The following AGAP1 variants were observed in gnomAD, a reference collection of about 807,000 sequenced individuals.
AGAP1 encodes ArfGAP with GTPase domain, ankyrin repeat and PH domain 1, also known as arf-GAP with GTPase, ANK repeat and PH domain-containing protein 1.
AGAP1 carries 29 observed loss-of-function variants against 105.3 expected under a neutral mutation model. The observed-to-expected ratio is 0.28, with a 90% confidence interval of 0.21 to 0.38. The LOEUF (loss-of-function observed/expected upper bound fraction) is 0.38, where lower values mean the gene tolerates loss of function less well. Ranked by LOEUF, AGAP1 falls within the 10% of genes least tolerant of loss-of-function variation. AGAP1 has a pLI of 1.00. For missense variants in AGAP1, 998 were observed against 1,165.1 expected (o/e 0.86, Z 2.09); for synonymous variants, 509 against 485.9 (o/e 1.05, Z -0.63).
chr2:235,579,018 T>C (rs541735278), intron 1 of AGAP1, among the ~76,000 whole-genome samples: 12 of 152,290 alleles, frequency 7.9e-5, no homozygotes, highest in African/African-American at 2.6e-4. Context: ...TATTACTGGC[T>C]AAAGTTAAAA....
intron 11 of AGAP1, among the ~76,000 whole-genome samples, chr2:235,915,876 C>A (rs2051853987): frequency 6.6e-6 from 1 of 151,954 alleles, no homozygotes; most frequent in African/African-American, 2.4e-5. Context: ...GGAGAGGAGG[C>A]TCTGCAAAAA....
At chr2:236,028,745 G>C (rs2057132644) in intron 13 of AGAP1, among the ~76,000 whole-genome samples, 1 of 152,134 alleles carries the variant, frequency 6.6e-6, no homozygotes, top group Non-Finnish European at 1.5e-5. Flanking sequence ...ATGGAAAAAA[G>C]CAGTTACAGT....
intron 12 of AGAP1, among the ~76,000 whole-genome samples, chr2:235,944,905 A>G (rs1009497480): frequency 6.6e-6 from 1 of 152,176 alleles, no homozygotes. Flanking sequence ...GGTTTGGGTT[A>G]TTACCTGGAC....
intron 1 of AGAP1, among the ~76,000 whole-genome samples, chr2:235,697,749 T>C (rs1950062215): frequency 6.6e-6 from 1 of 152,216 alleles, no homozygotes; most frequent in African/African-American, 2.4e-5. Flanking sequence ...TTAAACAGTA[T>C]GACTGACTGA....
chr2:236,107,345 G>C (rs1403400734), intron 16 of AGAP1, among the ~76,000 whole-genome samples: 2 of 152,190 alleles, frequency 1.3e-5, no homozygotes, highest in Non-Finnish European at 2.9e-5. Flanking sequence ...GGTCTGAGCT[G>C]ACTGGGTTCA....
intron 1 of AGAP1, chr2:235,524,629 C>G (rs1488567783): frequency 5.7e-6 from 1 of 175,374 alleles, no homozygotes; most frequent in African/African-American, 2.4e-5. Context: ...GGAAAACATG[C>G]TTACCGCTGG....
At chr2:235,987,544 ACT>A (rs2055372916) in intron 13 of AGAP1, among the ~76,000 whole-genome samples, 1 of 103,562 alleles carries the variant, frequency 9.7e-6, no homozygotes, top group Non-Finnish European at 1.8e-5. Context: ...TCCTGTCTCT[ACT>A]CTATCAATTC....
At chr2:235,806,558 G>A (rs1232430214) in intron 8 of AGAP1, among the ~76,000 whole-genome samples, 1 of 152,188 alleles carries the variant, frequency 6.6e-6, no homozygotes, top group African/African-American at 2.4e-5. Flanking sequence ...CACGTCAGCA[G>A]TGCATCGGAG....
In AGAP1 at chr2:236,000,873, G is replaced by A. The variant is rs1365312406; in HGVS notation, c.1645+32250G>A. ...GCACAGAGAGTGGCTGATGAGAAAGGGCCTGTGTGGAAGGAACCAGGGCCA... is the reference window on the plus strand; with the variant it reads ...GCACAGAGAGTGGCTGATGAGAAAGAGCCTGTGTGGAAGGAACCAGGGCCA... On this transcript the variant is annotated intron_variant, in intron 13 of 17. Coordinates refer to ENST00000304032, the MANE Select transcript of AGAP1 (RefSeq NM_001037131.3). This position sits in a 1 kb window ranked among gnomAD's most constrained non-coding sequence, Gnocchi z 4.3. 6.6e-6 allele frequency among the ~76,000 whole-genome samples: 1 copy of A among 152,150 alleles called. No homozygotes were observed. The highest frequency in any genetic ancestry group is 2.4e-5 in the African/African-American group (1 of 41,428).
In AGAP1 at chr2:235,536,142, T is replaced by TACACACACAC. The variant is rs58090095; in HGVS notation, c.163+41321_163+41330dup. The stretch of plus-strand genomic sequence containing the variant: ...ACCCCGGGGTTTGTGTGTGGCATCC[T>TACACACACAC]ACACACACACACACACACACACACA... On this transcript the variant is annotated intron_variant, in intron 1 of 17. Coordinates refer to ENST00000304032, the MANE Select transcript of AGAP1 (RefSeq NM_001037131.3). Among the ~76,000 whole-genome samples, 4 of 16,414 alleles carry TACACACACAC rather than the reference T, an allele frequency of 2.4e-4. 1 individual carries two copies. Among genetic ancestry groups the TACACACACAC allele is most frequent in the Non-Finnish European group, 2.8e-4 (3 of 10,628 alleles). The allele number at this position is 16,414 out of a possible 152,430, so 10.8% of individuals were successfully genotyped here. A position where few individuals can be genotyped will look rare whatever the true frequency, so the allele number is the denominator to read the frequency against.
intron 11 of AGAP1, among the ~76,000 whole-genome samples, chr2:235,911,413 T>C (rs1401177307): frequency 6.6e-6 from 1 of 152,146 alleles, no homozygotes; most frequent in East Asian, 1.9e-4. Context: ...CCTGCTGAGT[T>C]TGAATAAAGG....
At chr2:235,680,645 A>T (rs1949014956) in intron 1 of AGAP1, among the ~76,000 whole-genome samples, 1 of 151,894 alleles carries the variant, frequency 6.6e-6, no homozygotes, top group Non-Finnish European at 1.5e-5. Flanking sequence ...TGACAGGGTG[A>T]ATGTACTAGC....
Position 235,962,129 on chromosome 2 carries a change from G to A in AGAP1, c.1484-6333G>A, listed in dbSNP as rs1471120821. 6.6e-6 allele frequency among the ~76,000 whole-genome samples: 1 copy of A among 151,648 alleles called. No homozygotes were observed. The highest frequency in any genetic ancestry group is 1.5e-5 in the Non-Finnish European group (1 of 68,012). ...GGTCATCGTGAGGATGGTGTGGGGC[G>A]TGGGGTGTTTGAAGCGGGAGGAGAA... On this transcript the variant is annotated intron_variant, in intron 12 of 17. Transcript: ENST00000304032. The surrounding 1 kb of genome is among the most constrained non-coding windows in gnomAD (Gnocchi z 5.3).
chr2:236,048,990 T>C (rs1381063817), intron 15 of AGAP1, 69 bp from the exon 16 acceptor site: 2 of 1,450,420 alleles, frequency 1.4e-6, no homozygotes, highest in Non-Finnish European at 1.9e-6. Flanking sequence ...TCGCCTTGTG[T>C]TTCTAAGAAC....
At position 236,061,495 on chromosome 2, in the gene AGAP1, C is replaced by G. The variant is rs1372274714; in HGVS notation, c.2114+12214C>G. 6.6e-6 allele frequency among the ~76,000 whole-genome samples: 1 copy of G among 152,124 alleles called. No individual in the cohort carries two copies. The highest frequency in any genetic ancestry group is 1.5e-5 in the Non-Finnish European group (1 of 68,032). On this transcript the variant is annotated intron_variant, in intron 16 of 17. Transcript: ENST00000304032. This position sits in a 1 kb window ranked among gnomAD's most constrained non-coding sequence, Gnocchi z 4.1. ...ATGGGTGAACAAAACATGGTCTGTC[C>G]GTACACCAGAACGTGATTCTGCCAT... is the stretch of plus-strand genomic sequence containing the variant.
At chr2:236,039,271 C>G (rs1559215960) in intron 14 of AGAP1, among the ~76,000 whole-genome samples, 1 of 152,074 alleles carries the variant, frequency 6.6e-6, no homozygotes, top group African/African-American at 2.4e-5. Flanking sequence ...ATAGGGAGAC[C>G]ATTGTCTCTA....
rs1304782816 is a variant in AGAP1 at position 235,875,255 on chromosome 2, A to C, written c.1051-8090A>C. On this transcript the variant is annotated intron_variant, in intron 9 of 17. Transcript: ENST00000304032. This position sits in a 1 kb window ranked among gnomAD's most constrained non-coding sequence, Gnocchi z 4.0. ...CCGTTGTTTGTTTTCACCTTTTAGA[A>C]TTCCTGGGACTAACAACAATTGTAA... Among the ~76,000 whole-genome samples the C allele has an allele frequency of 6.6e-6, 1 of 152,184 alleles. No individual in the cohort carries two copies. Among genetic ancestry groups the C allele is most frequent in the African/African-American group, 2.4e-5 (1 of 41,426 alleles).
intron 13 of AGAP1, among the ~76,000 whole-genome samples, chr2:236,021,872 A>G (rs1317283196): frequency 3.9e-5 from 6 of 151,926 alleles, no homozygotes; most frequent in Non-Finnish European, 8.8e-5. Flanking sequence ...CAGCCTGGGC[A>G]ATATGGTGAA....
intron 9 of AGAP1, among the ~76,000 whole-genome samples, chr2:235,868,690 T>G (rs185422525): frequency 2.8e-4 from 43 of 152,324 alleles, no homozygotes; most frequent in Admixed American, 2.5e-3. Context: ...GAGCAGAGTT[T>G]TAATATAAAT....
Sources: gnomAD v4.1 joint callset for allele counts (sites outside exome capture counted in the v4.1 genomes callset) on GRCh38, gnomAD v4.1.1 for gene constraint, Gnocchi (gnomAD v3.1) non-coding constraint, MANE v1.5 for transcripts, NCBI Gene and HGNC (gene_info 2026-07-23, HGNC 2026-07-21) for gene names.